LDLRAD4: variants seen among roughly 807,000 people sequenced by gnomAD.
The protein encoded by LDLRAD4 is low-density lipoprotein receptor class A domain-containing protein 4.
Under a neutral mutation model 17.0 loss-of-function variants are expected in LDLRAD4, and 5 were observed. That is an observed-to-expected ratio of 0.29 (90% CI 0.15 to 0.62). LDLRAD4 has a LOEUF of 0.62. Ranked by LOEUF, LDLRAD4 falls within the 20% of genes least tolerant of loss-of-function variation. LDLRAD4 has a pLI of 0.84. For synonymous variants in LDLRAD4, 168 were observed against 171.8 expected (o/e 0.98, Z 0.17); for missense variants, 340 against 424.7 (o/e 0.80, Z 1.75).
intron 3 of LDLRAD4, among the ~76,000 whole-genome samples, chr18:13,550,033 C>T (rs868141756): frequency 6.6e-6 from 1 of 152,198 alleles, no homozygotes; most frequent in Non-Finnish European, 1.5e-5. Context: ...AATCCAGCAA[C>T]GTTTTTCTTT....
At chr18:13,641,202 G>A (rs2042520874) in intron 4 of LDLRAD4, among the ~76,000 whole-genome samples, 1 of 152,212 alleles carries the variant, frequency 6.6e-6, no homozygotes, top group Non-Finnish European at 1.5e-5. Flanking sequence ...ACTTTAGCAG[G>A]CTGAGGCAGG....
intron 2 of LDLRAD4, among the ~76,000 whole-genome samples, chr18:13,412,807 G>A (rs929767452): frequency 2.6e-5 from 4 of 152,316 alleles, no homozygotes; most frequent in Non-Finnish European, 4.4e-5. Context: ...GTAAGTGAAC[G>A]AATGAACTGA....
At chr18:13,251,131 T>C (rs181175971) in intron 1 of LDLRAD4, among the ~76,000 whole-genome samples, 135 of 152,246 alleles carry the variant, frequency 8.9e-4, no homozygotes, top group Admixed American at 3.0e-3. Flanking sequence ...AAAAACCACA[T>C]GAACATCTCA....
chr18:13,568,255 C>T (rs1041272180), intron 3 of LDLRAD4, among the ~76,000 whole-genome samples: 1 of 151,282 alleles, frequency 6.6e-6, no homozygotes, highest in Non-Finnish European at 1.5e-5. Flanking sequence ...GATCATGCCA[C>T]TGCACTCCAG....
chr18:13,597,037 A>C (rs1041923418), intron 3 of LDLRAD4, among the ~76,000 whole-genome samples: 8 of 152,202 alleles, frequency 5.3e-5, no homozygotes, highest in African/African-American at 1.9e-4. Flanking sequence ...TGCAGATTCA[A>C]ATTACTGTCT....
At position 13,220,481 on chromosome 18, in the gene LDLRAD4, C is replaced by T. The variant is rs548255122; in HGVS notation, c.-467+1493C>T. Among the ~76,000 whole-genome samples the T allele has an allele frequency of 7.9e-5, 12 of 152,314 alleles. No individual in the cohort carries two copies. In the South Asian group the frequency reaches 1.0e-3, roughly 13 times the overall value. ...GCAAGACCACAATCCTGCAGTGGAA[C>T]GCAGCCAGTGCCAGCTGCTTATTAA... On this transcript the variant is annotated intron_variant, in intron 1 of 5. Transcript: ENST00000399848.
At chr18:13,529,749 T>C (rs1299638777) in intron 3 of LDLRAD4, among the ~76,000 whole-genome samples, 1 of 152,240 alleles carries the variant, frequency 6.6e-6, no homozygotes, top group Admixed American at 6.5e-5. Flanking sequence ...TTAAATAATG[T>C]GTGCACAGAA....
intron 1 of LDLRAD4, among the ~76,000 whole-genome samples, chr18:13,361,426 A>G (rs1326216494): frequency 1.3e-5 from 2 of 152,132 alleles, no homozygotes; most frequent in Non-Finnish European, 2.9e-5. Context: ...ATCTTTCCTT[A>G]TACTATAAGC....
chr18:13,637,188 G>A (rs2042157251), intron 4 of LDLRAD4, among the ~76,000 whole-genome samples: 1 of 152,008 alleles, frequency 6.6e-6, no homozygotes, highest in African/African-American at 2.4e-5. Flanking sequence ...CAAGAAAACA[G>A]TGCATGGTGC....
chr18:13,418,253 G>T (rs1407085161), intron 2 of LDLRAD4, among the ~76,000 whole-genome samples: 1 of 151,484 alleles, frequency 6.6e-6, no homozygotes, highest in African/African-American at 2.4e-5. Context: ...ACCTGGGCAG[G>T]GCTCTACACT....
chr18:13,643,386 G>T (rs774763390), exon 5 of LDLRAD4: 4 of 1,262,252 alleles, frequency 3.2e-6, no homozygotes, highest in East Asian at 4.4e-5. Context: ...TTCAGACAGC[G>T]CCGCACCGCG....
chr18:13,451,427 A>G (rs1309445225), intron 3 of LDLRAD4, among the ~76,000 whole-genome samples: 1 of 152,094 alleles, frequency 6.6e-6, no homozygotes, highest in East Asian at 1.9e-4. Context: ...AGTGTGAGAT[A>G]CCAGTCCCCT....
chr18:13,226,842 C>T (rs916823844), intron 1 of LDLRAD4, among the ~76,000 whole-genome samples: 2 of 152,164 alleles, frequency 1.3e-5, no homozygotes, highest in Non-Finnish European at 2.9e-5. Flanking sequence ...ATACGATGGG[C>T]ATAGACTGCT....
At chr18:13,369,296 G>A (rs2084289050) in intron 1 of LDLRAD4, among the ~76,000 whole-genome samples, 1 of 152,246 alleles carries the variant, frequency 6.6e-6, no homozygotes, top group Admixed American at 6.5e-5. Flanking sequence ...CGCATTTTCT[G>A]CCCTCTAGTT....
intron 3 of LDLRAD4, among the ~76,000 whole-genome samples, chr18:13,578,539 G>T (rs1209929886): frequency 6.6e-6 from 1 of 152,162 alleles, no homozygotes; most frequent in Non-Finnish European, 1.5e-5. Context: ...TAAGCTAGAG[G>T]ACAGGAAAGA....
intron 1 of LDLRAD4, among the ~76,000 whole-genome samples, chr18:13,372,657 C>T (rs2084602968): frequency 1.3e-5 from 2 of 152,160 alleles, no homozygotes; most frequent in South Asian, 4.1e-4. Context: ...GGTTTTTCCC[C>T]TCCCTTCCCT....
At chr18:13,643,771 A>G (rs991087350) in intron 5 of LDLRAD4, among the ~76,000 whole-genome samples, 1 of 152,278 alleles carries the variant, frequency 6.6e-6, no homozygotes, top group African/African-American at 2.4e-5. Context: ...TTTTAAAATA[A>G]CATGTTTTTG....
At chr18:13,218,412 G>T (rs573464731), upstream of LDLRAD4, among the ~76,000 whole-genome samples, 13 of 152,326 alleles carry the variant, frequency 8.5e-5, no homozygotes, top group East Asian at 2.5e-3. Context: ...GGGGCGCAGG[G>T]TGTCCCGCGG....
At chr18:13,253,003 C>T (rs1057381285) in intron 1 of LDLRAD4, among the ~76,000 whole-genome samples, 3 of 152,176 alleles carry the variant, frequency 2.0e-5, no homozygotes, top group African/African-American at 4.8e-5. Flanking sequence ...GCATGGAAAC[C>T]GGGGCACTGG....
Sources: gnomAD v4.1 joint callset for allele counts (sites outside exome capture counted in the v4.1 genomes callset) on GRCh38, gnomAD v4.1.1 for gene constraint, MANE v1.5 for transcripts, NCBI Gene and HGNC (gene_info 2026-07-23, HGNC 2026-07-21) for gene names.